NPLOC4: variants seen among roughly 807,000 people sequenced by gnomAD.
NPLOC4 encodes NPL4 homolog, ubiquitin recognition factor, also known as nuclear protein localization protein 4 homolog.
A neutral mutation model predicts 80.6 loss-of-function variants in NPLOC4; 18 were observed. The observed-to-expected ratio is 0.22, with a 90% CI of 0.15 to 0.33. NPLOC4 has a LOEUF of 0.33. NPLOC4 is among the 10% of genes least tolerant of loss of function. The probability of loss-of-function intolerance (pLI) is 1.00; values close to 1 mark genes in which losing one functional copy is unlikely to be tolerated. For missense variants in NPLOC4, 540 were observed against 786.1 expected, an observed-to-expected ratio of 0.69 and a Z score of 3.74; for synonymous variants, 313 against 301.5, an observed-to-expected ratio of 1.04 and a Z score of -0.39.
Position 81,596,175 on chromosome 17 carries a change from A to G in NPLOC4, c.1061T>C (p.Met354Thr), listed in dbSNP as rs370996433. The part of the protein sequence containing the change: ...AGDFQNKHPN[M>T]CRLSPDGHFG... ...ATGTCCGTCTGGAGAGAGCCGGCAC[A>G]TGTTGGGATGCTTGTTCTGGAAGTC... Residue 354 changes from methionine to threonine, a missense_variant, in exon 11 of 17, where the codon ATG (methionine) becomes ACG (threonine). Met to Thr is a moderately conservative substitution (Grantham distance 81). Transcript: ENST00000331134. The G allele has an allele frequency of 2.5e-5, 41 of 1,613,896 alleles. No individual in the cohort carries two copies. The highest frequency in any genetic ancestry group is 3.3e-5 in the Non-Finnish European group (39 of 1,179,892).
chr17:81,598,094 CAAAA>C (rs71367068), intron 9 of NPLOC4, among the ~76,000 whole-genome samples: 5 of 88,242 alleles, frequency 5.7e-5, no homozygotes, highest in African/African-American at 4.6e-5. Context: ...GACTCTGTCT[CAAAA>C]AAAAAAAAAA....
chr17:81,620,334 T>A (rs1171596952), intron 3 of NPLOC4, among the ~76,000 whole-genome samples: 1 of 151,164 alleles, frequency 6.6e-6, no homozygotes, highest in South Asian at 2.1e-4. Context: ...CACCTCTACA[T>A]AAAATAAAAA....
At chr17:81,570,190 T>G (rs979514443) in intron 13 of NPLOC4, among the ~76,000 whole-genome samples, 2 of 151,872 alleles carry the variant, frequency 1.3e-5, no homozygotes, top group Non-Finnish European at 2.9e-5. Flanking sequence ...AGCGGCGGGG[T>G]GGGTCATGAA....
intron 2 of NPLOC4, among the ~76,000 whole-genome samples, chr17:81,625,611 G>A (rs545752983): frequency 2.1e-4 from 32 of 152,254 alleles, no homozygotes; most frequent in African/African-American, 7.5e-4. Flanking sequence ...ATAGCTTGTG[G>A]TCCCAGCAAC....
intron 16 of NPLOC4, chr17:81,564,243 G>C (rs902537609): frequency 6.4e-6 from 1 of 155,320 alleles, no homozygotes; most frequent in African/African-American, 2.4e-5. Context: ...TGTACCCTGT[G>C]AATCTAAAAT....
intron 11 of NPLOC4, among the ~76,000 whole-genome samples, chr17:81,589,622 G>A (rs1167180824): frequency 6.6e-6 from 1 of 151,898 alleles, no homozygotes; most frequent in Non-Finnish European, 1.5e-5. Context: ...ACACCCTGCA[G>A]CTCCGCACAC....
intron 2 of NPLOC4, among the ~76,000 whole-genome samples, chr17:81,626,622 G>A (rs2035802416): frequency 6.6e-6 from 1 of 152,070 alleles, no homozygotes; most frequent in Non-Finnish European, 1.5e-5. Context: ...AGGATCACTT[G>A]AGGAAATCAA....
intron 13 of NPLOC4, among the ~76,000 whole-genome samples, chr17:81,571,806 A>G (rs1319027825): frequency 6.6e-6 from 1 of 152,184 alleles, no homozygotes; most frequent in African/African-American, 2.4e-5. Flanking sequence ...ACTAAAACAA[A>G]AAGCCCTTAA....
At chr17:81,596,784 C>T (rs1282266470) in intron 10 of NPLOC4, among the ~76,000 whole-genome samples, 2 of 152,124 alleles carry the variant, frequency 1.3e-5, no homozygotes, top group African/African-American at 2.4e-5. Context: ...CCAAGAGATC[C>T]GGCCTTCATT....
chr17:81,575,130 C>T (rs983851908), intron 12 of NPLOC4, among the ~76,000 whole-genome samples: 1 of 152,136 alleles, frequency 6.6e-6, no homozygotes, highest in Non-Finnish European at 1.5e-5. Context: ...GAGGGAGTCT[C>T]GCTCTGTCGC....
rs774480292 is a variant in NPLOC4, at chr17:81,606,730, A to G, written c.615T>C (p.Cys205=). Residue 205 remains cysteine, a synonymous_variant, in exon 7 of 17, where the codon TGT becomes TGC. Transcript: ENST00000331134. ...TGATGGCGCTCGGCTGGCACTTAGT[A>G]CAGATGCCATTCGGCCACGGGAGGT... ...EGHLPWPNGI[C]TKCQPSAITL... 1.9e-6 allele frequency: 3 copies of G among 1,613,852 alleles called. No individual in the cohort carries two copies. The South Asian group carries it at 3.3e-5, about 18-fold the overall frequency.
intron 3 of NPLOC4, among the ~76,000 whole-genome samples, chr17:81,614,796 G>C (rs1398797966): frequency 1.3e-5 from 2 of 152,164 alleles, no homozygotes; most frequent in Non-Finnish European, 2.9e-5. Flanking sequence ...CAAGTGACCA[G>C]AGATGGCTGC....
At chr17:81,636,569 T>C (rs2036081687) in intron 1 of NPLOC4, 2 of 224,226 alleles carry the variant, frequency 8.9e-6, no homozygotes, top group Non-Finnish European at 1.7e-5. Flanking sequence ...TGGCTGGGAG[T>C]CCCTGGAATT....
intron 7 of NPLOC4, among the ~76,000 whole-genome samples, chr17:81,605,157 T>C (rs1228256912): frequency 6.6e-6 from 1 of 151,672 alleles, no homozygotes; most frequent in Non-Finnish European, 1.5e-5. Flanking sequence ...GGCGGGCGCC[T>C]GTAGTCTCAG....
At chr17:81,583,985 A>G (rs1440515502) in intron 12 of NPLOC4, among the ~76,000 whole-genome samples, 1 of 152,244 alleles carries the variant, frequency 6.6e-6, no homozygotes, top group Non-Finnish European at 1.5e-5. Flanking sequence ...ACATACCTTT[A>G]GTAACCACAT....
chr17:81,565,472 C>G, intron 16 of NPLOC4, 33 bp downstream of exon 16: 1 of 1,512,414 alleles, frequency 6.6e-7, no homozygotes, highest in Non-Finnish European at 8.9e-7. Flanking sequence ...GCCCCAGCCA[C>G]GGGGTGCCGG....
intron 11 of NPLOC4, among the ~76,000 whole-genome samples, chr17:81,593,163 TATAA>T (rs1361481773): frequency 6.6e-6 from 1 of 152,142 alleles, no homozygotes; most frequent in Admixed American, 6.5e-5. Flanking sequence ...AATTCTGTTT[TATAA>T]ATAGCCACAA....
intron 2 of NPLOC4, among the ~76,000 whole-genome samples, chr17:81,627,775 C>T (rs557132033): frequency 4.6e-5 from 7 of 151,456 alleles, no homozygotes; most frequent in Admixed American, 4.6e-4. Context: ...TCTCAAAAAA[C>T]AAAAACAAAA....
chr17:81,573,745 T>C (rs928688840), intron 12 of NPLOC4: 5 of 152,330 alleles, frequency 3.3e-5, no homozygotes, highest in African/African-American at 7.2e-5. Context: ...ATGGTCCAAA[T>C]AGATCCCACT....
Sources: gnomAD v4.1 joint callset for allele counts (sites outside exome capture counted in the v4.1 genomes callset) on GRCh38, gnomAD v4.1.1 for gene constraint, MANE v1.5 for transcripts, NCBI Gene and HGNC (gene_info 2026-07-23, HGNC 2026-07-21) for gene names.